The following PLEKHA8 variants were observed in gnomAD, a reference collection of about 807,000 sequenced individuals.
The protein encoded by PLEKHA8 is pleckstrin homology domain containing A8, also known as pleckstrin homology domain-containing family A member 8.
Under a neutral mutation model 68.2 loss-of-function variants are expected in PLEKHA8, and 36 were observed. The ratio of observed to expected loss-of-function variants is 0.53; its 90% CI spans 0.40 to 0.70. The LOEUF (loss-of-function observed/expected upper bound fraction) is 0.70. PLEKHA8 is among the 30% of genes least tolerant of loss of function. The pLI, the probability that PLEKHA8 is intolerant of heterozygous loss-of-function variation, is 0.00. For missense variants in PLEKHA8, 505 were observed against 615.4 expected, an observed-to-expected ratio of 0.82 and a Z score of 1.90; for synonymous variants, 211 against 216.1, an observed-to-expected ratio of 0.98 and a Z score of 0.20.
intron 9 of PLEKHA8, among the ~76,000 whole-genome samples, chr7:30,058,482 T>G (rs1167776221): frequency 6.6e-6 from 1 of 151,240 alleles, no homozygotes; most frequent in Non-Finnish European, 1.5e-5. Context: ...TTTTTTTTTT[T>G]TTTTTTTCCT....
chr7:30,028,692 G>A lies in PLEKHA8; in HGVS notation c.-71G>A. On this transcript the variant is annotated 5_prime_UTR_variant, in exon 1 of 14. In the 5' UTR this introduces an upstream ATG that the reference lacks. Coordinates refer to ENST00000449726, the MANE Select transcript of PLEKHA8 (RefSeq NM_001197026.2). ...GCGCCAGGCGATGGCCCTGCTGCTG[G>A]TGCTCCTCGCCTCTTGGGGCCTGGG... The A allele has an allele frequency of 8.7e-7, 1 of 1,151,728 alleles. No homozygotes were observed. The allele number at this position is 1,151,728 out of a possible 1,614,324, so 71.3% of individuals were successfully genotyped here. A position where few individuals can be genotyped will look rare whatever the true frequency, so the allele number is the denominator to read the frequency against.
At position 30,074,124 on chromosome 7, in the gene PLEKHA8, G is replaced by A. The variant is rs551688043; in HGVS notation, c.1354G>A (p.Val452Ile). The A allele has an allele frequency of 1.2e-6, 2 of 1,612,634 alleles. No individual in the cohort carries two copies. The highest frequency in any genetic ancestry group is 4.5e-5 in the East Asian group (2 of 44,862). Residue 452 changes from valine (V) to isoleucine (I), a missense_variant, in exon 13 of 14, where the codon GTT becomes ATT. Transcript: ENST00000449726. ...RQHHGWVVRG[V>I]FALALRAAPS... ...ACACCATGGCTGGGTAGTTCGAGGGGTTTTTGCGGTAAGTGATCCTTCTTG... is the reference window on the plus strand; with the variant it reads ...ACACCATGGCTGGGTAGTTCGAGGGATTTTTGCGGTAAGTGATCCTTCTTG...
Position 30,078,352 on chromosome 7 carries a change from A to G in PLEKHA8, c.1363-238A>G, listed in dbSNP as rs562718599. On this transcript the variant is annotated intron_variant, in intron 13 of 13. Transcript: ENST00000449726. ...ATTCCCTGATGTGATAGCATTATTTATCCTTAAGGTGGCCCAAGTACATGC... is the reference window on the plus strand; with the variant it reads ...ATTCCCTGATGTGATAGCATTATTTGTCCTTAAGGTGGCCCAAGTACATGC... Among the ~76,000 whole-genome samples, 45 of 152,346 alleles carry G rather than the reference A, an allele frequency of 3.0e-4. 1 individual carries two copies. The highest frequency in any genetic ancestry group is 9.4e-4 in the African/African-American group (39 of 41,582).
chr7:30,107,944 C>T (rs556026840), intron 13 of PLEKHA8, among the ~76,000 whole-genome samples: 2 of 151,926 alleles, frequency 1.3e-5, no homozygotes, highest in South Asian at 4.2e-4. Context: ...TGATGCATGC[C>T]TGTAATCCCA....
chr7:30,051,171 A>G (rs959782416), intron 6 of PLEKHA8, among the ~76,000 whole-genome samples: 1 of 152,168 alleles, frequency 6.6e-6, no homozygotes, highest in Non-Finnish European at 1.5e-5. Flanking sequence ...AAGTATTGGT[A>G]TTACAGGCTT....
intron 6 of PLEKHA8, among the ~76,000 whole-genome samples, chr7:30,052,466 A>G (rs1277231046): frequency 6.6e-6 from 1 of 152,040 alleles, no homozygotes; most frequent in Non-Finnish European, 1.5e-5. Flanking sequence ...GTGACACCCC[A>G]TCTCTACAAA....
At chr7:30,122,834 A>C (rs1231874875) in intron 13 of PLEKHA8, among the ~76,000 whole-genome samples, 1 of 152,240 alleles carries the variant, frequency 6.6e-6, no homozygotes, top group Admixed American at 6.5e-5. Flanking sequence ...ACAGATGTGC[A>C]AAGTAAAGGA....
downstream of PLEKHA8, among the ~76,000 whole-genome samples, chr7:30,094,870 G>T (rs1751389513): frequency 6.6e-6 from 1 of 151,986 alleles, no homozygotes; most frequent in South Asian, 2.1e-4. Context: ...ATTTTTTATG[G>T]CTGCATAGTA....
intron 13 of PLEKHA8, among the ~76,000 whole-genome samples, chr7:30,103,816 C>T (rs1463019312): frequency 2.0e-5 from 3 of 152,066 alleles, no homozygotes; most frequent in Non-Finnish European, 2.9e-5. Context: ...GGATAAAGCT[C>T]CTACAAGGAA....
chr7:30,035,317 G>A (rs1295560625), intron 1 of PLEKHA8, among the ~76,000 whole-genome samples: 1 of 152,184 alleles, frequency 6.6e-6, no homozygotes, highest in Non-Finnish European at 1.5e-5. Context: ...TGAGCTTACT[G>A]TTAGCAGTTT....
At chr7:30,035,900 C>T (rs1226606223) in intron 1 of PLEKHA8, among the ~76,000 whole-genome samples, 1 of 152,004 alleles carries the variant, frequency 6.6e-6, no homozygotes, top group Admixed American at 6.5e-5. Flanking sequence ...CCCTTCTTGG[C>T]CTCCCAAAGT....
At chr7:30,085,248 A>G (rs1331205020), downstream of PLEKHA8, among the ~76,000 whole-genome samples, 1 of 152,108 alleles carries the variant, frequency 6.6e-6, no homozygotes, top group Non-Finnish European at 1.5e-5. Context: ...CCAAGCTCCA[A>G]AATTTTTATG....
chr7:30,129,561 TC>T, downstream of PLEKHA8: 1 of 520,452 alleles, frequency 1.9e-6, no homozygotes, highest in Admixed American at 3.2e-5. Context: ...TTTAACAAAA[TC>T]TAGAATTAAG....
intron 13 of PLEKHA8, among the ~76,000 whole-genome samples, chr7:30,118,518 CT>C (rs2128023696): frequency 6.6e-6 from 1 of 152,078 alleles, no homozygotes; most frequent in Non-Finnish European, 1.5e-5. Flanking sequence ...GGGATCTTTT[CT>C]TAGCTGCCAT....
chr7:30,054,561 G>A (rs894853979), intron 7 of PLEKHA8, 148 bp from the exon 8 acceptor site: 1 of 441,812 alleles, frequency 2.3e-6, no homozygotes, highest in African/African-American at 2.1e-5. Flanking sequence ...GTTTGTGTGT[G>A]TAGATGTATG....
intron 13 of PLEKHA8, among the ~76,000 whole-genome samples, chr7:30,110,597 G>A (rs1231280639): frequency 2.6e-5 from 4 of 152,174 alleles, no homozygotes; most frequent in East Asian, 3.9e-4. Flanking sequence ...AGGAACTTCC[G>A]AAGTGTTTTC....
In PLEKHA8 at chr7:30,107,346, T is replaced by C. The variant is rs540165502; in HGVS notation, c.1363-21920T>C. The stretch of plus-strand genomic sequence containing the variant: ...TACAATAAAATTGTAAACTTATTCC[T>C]AGGTACCTTGTATTTTATTGCTGCC... On this transcript the variant is annotated intron_variant, in intron 13 of 13. Coordinates refer to the PLEKHA8 transcript ENST00000396257. Among the ~76,000 whole-genome samples, 57 of 152,250 alleles carry C rather than the reference T, an allele frequency of 3.7e-4. No individual in the cohort carries two copies. The South Asian group carries it at 6.2e-3, about 17-fold the overall frequency.
At chr7:30,029,413 A>G (rs1790479587) in intron 1 of PLEKHA8, among the ~76,000 whole-genome samples, 2 of 152,234 alleles carry the variant, frequency 1.3e-5, no homozygotes, top group Admixed American at 6.5e-5. Flanking sequence ...TTACCGTTAA[A>G]TGAATGCAAA....
At chr7:30,062,112 C>T (rs1380534160) in intron 11 of PLEKHA8, 85 bp downstream of exon 11, 9 of 1,451,572 alleles carry the variant, frequency 6.2e-6, no homozygotes, top group Non-Finnish European at 7.4e-6. Context: ...AAGGAGACTA[C>T]TTCTGAGTGA....
Sources: gnomAD v4.1 joint callset for allele counts (sites outside exome capture counted in the v4.1 genomes callset) on GRCh38, gnomAD v4.1.1 for gene constraint, MANE v1.5 for transcripts, NCBI Gene and HGNC (gene_info 2026-07-23, HGNC 2026-07-21) for gene names.